Variants in CDH18 observed in about 807,000 individuals in gnomAD.
CDH18 encodes the protein cadherin 18.
A neutral mutation model predicts 67.9 loss-of-function variants in CDH18; 31 were observed. The observed-to-expected ratio is 0.46, with a 90% CI of 0.34 to 0.62. The LOEUF is 0.62. Ranked by LOEUF, CDH18 falls within the 20% of genes least tolerant of loss-of-function variation. CDH18 has a pLI of 0.01. For missense variants in CDH18, 890 were observed against 975.5 expected, an observed-to-expected ratio of 0.91 and a Z score of 1.17; for synonymous variants, 362 against 347.2, an observed-to-expected ratio of 1.04 and a Z score of -0.48.
At chr5:20,213,855 T>A (rs909534260) in intron 2 of CDH18, among the ~76,000 whole-genome samples, 1 of 152,002 alleles carries the variant, frequency 6.6e-6, no homozygotes, top group Admixed American at 6.6e-5. Context: ...TGATCTTTTA[T>A]ACGATTCTTA....
intron 5 of CDH18, among the ~76,000 whole-genome samples, chr5:19,714,292 C>A (rs541393637): frequency 2.0e-5 from 3 of 152,202 alleles, no homozygotes; most frequent in Admixed American, 1.3e-4. Flanking sequence ...TTTTTAACTG[C>A]ATATGTTGCT....
rs1041588353 is a variant in CDH18 at position 19,603,467 on chromosome 5, C to T, written c.811+8967G>A. Among the ~76,000 whole-genome samples the T allele has an allele frequency of 2.0e-4, 31 of 151,984 alleles. 1 individual carries two copies. Among genetic ancestry groups the T allele is most frequent in the Admixed American group, 1.6e-3 (24 of 15,244 alleles). On this transcript the variant is annotated intron_variant, in intron 6 of 12. Transcript: ENST00000382275. ...TTGGTTGCACAACAATATGAATATA[C>T]GTAGTGTTATTTAAATGCACACATT... is the stretch of plus-strand genomic sequence containing the variant.
chr5:19,826,348 G>A (rs140379248), intron 3 of CDH18, among the ~76,000 whole-genome samples: 2 of 152,068 alleles, frequency 1.3e-5, no homozygotes, highest in African/African-American at 2.4e-5. Context: ...TTGCTAAGGA[G>A]GCCAACACTC....
At chr5:20,036,352 T>C (rs1481075759) in intron 2 of CDH18, among the ~76,000 whole-genome samples, 2 of 151,912 alleles carry the variant, frequency 1.3e-5, no homozygotes, top group African/African-American at 4.8e-5. Flanking sequence ...GGTAAATTGC[T>C]TAGCATGTCA....
intron 2 of CDH18, among the ~76,000 whole-genome samples, chr5:19,966,291 G>T (rs1244711018): frequency 6.6e-6 from 1 of 152,078 alleles, no homozygotes; most frequent in African/African-American, 2.4e-5. Flanking sequence ...TAATGCTCTT[G>T]CTCAGAGAGA....
chr5:19,600,518 AT>A (rs1382357610), intron 6 of CDH18, among the ~76,000 whole-genome samples: 1 of 149,548 alleles, frequency 6.7e-6, no homozygotes, highest in African/African-American at 2.5e-5. Flanking sequence ...AAATTAAATT[AT>A]TTTTTCATAC....
chr5:19,596,958 G>A (rs1187415529), intron 6 of CDH18, among the ~76,000 whole-genome samples: 2 of 152,180 alleles, frequency 1.3e-5, no homozygotes, highest in Non-Finnish European at 2.9e-5. Flanking sequence ...ATGTCCTTGA[G>A]TAATCATTTC....
At chr5:19,623,629 G>T (rs905256994) in intron 5 of CDH18, among the ~76,000 whole-genome samples, 4 of 151,862 alleles carry the variant, frequency 2.6e-5, no homozygotes, top group African/African-American at 9.7e-5. Flanking sequence ...GAGTTCAAAA[G>T]ATGAGATGCT....
chr5:20,321,699 T>A (rs1203306349), intron 1 of CDH18, among the ~76,000 whole-genome samples: 2 of 152,144 alleles, frequency 1.3e-5, no homozygotes, highest in Non-Finnish European at 1.5e-5. Flanking sequence ...TTTTTAACAT[T>A]TCCTTTCCCA....
At chr5:19,787,419 T>C (rs967060879) in intron 3 of CDH18, among the ~76,000 whole-genome samples, 2 of 151,370 alleles carry the variant, frequency 1.3e-5, no homozygotes, top group African/African-American at 4.9e-5. Flanking sequence ...ACCATTGCAA[T>C]CCAGCCTGGG....
At chr5:19,942,105 T>G (rs1794884674) in intron 2 of CDH18, among the ~76,000 whole-genome samples, 1 of 152,072 alleles carries the variant, frequency 6.6e-6, no homozygotes, top group African/African-American at 2.4e-5. Flanking sequence ...AAATAATGGT[T>G]CAGGGTCAAG....
chr5:19,837,669 C>T lies in CDH18; in HGVS notation c.228+1090G>A, dbSNP rs1406383776. The stretch of plus-strand genomic sequence containing the variant: ...CCTTGTATAGAAAATGCAGCTGTAA[C>T]CCAGTCCCTGTTGGACAAGGGGTGG... On this transcript the variant is annotated intron_variant, in intron 3 of 12. Coordinates refer to ENST00000382275, the MANE Select transcript of CDH18 (RefSeq NM_004934.5). 2.0e-5 allele frequency among the ~76,000 whole-genome samples: 3 copies of T among 152,054 alleles called. No homozygotes were observed. The East Asian group carries it at 5.8e-4, about 29-fold the overall frequency.
intron 5 of CDH18, among the ~76,000 whole-genome samples, chr5:19,705,004 C>A (rs1266897157): frequency 6.6e-6 from 1 of 152,184 alleles, no homozygotes; most frequent in Non-Finnish European, 1.5e-5. Flanking sequence ...TTTACAATTC[C>A]TGCAGTAAAC....
chr5:19,861,490 G>C (rs1044183691), intron 2 of CDH18, among the ~76,000 whole-genome samples: 3 of 152,160 alleles, frequency 2.0e-5, no homozygotes, highest in Non-Finnish European at 4.4e-5. Flanking sequence ...GTGTGGGATG[G>C]ATCTGAAGCA....
At position 19,826,781 on chromosome 5, in the gene CDH18, A is replaced by G. The variant is rs1229907080; in HGVS notation, c.228+11978T>C. On this transcript the variant is annotated intron_variant, in intron 3 of 12. Coordinates refer to ENST00000382275, the MANE Select transcript of CDH18 (RefSeq NM_004934.5). ...CCATTACCAGCCAGAACAAAAACAC[A>G]CTAAGTGCATAGATCATTGACACTA... is the stretch of plus-strand genomic sequence containing the variant. Among the ~76,000 whole-genome samples the G allele has an allele frequency of 2.0e-5, 3 of 152,168 alleles. No individual in the cohort carries two copies. The East Asian group carries it at 5.8e-4, about 29-fold the overall frequency.
intron 9 of CDH18, among the ~76,000 whole-genome samples, chr5:19,530,892 C>CA (rs1748497938): frequency 7.9e-6 from 1 of 125,874 alleles, no homozygotes; most frequent in African/African-American, 3.2e-5. Flanking sequence ...CGCAATATAC[C>CA]CTTGCGCTTC....
chr5:19,936,515 T>C (rs1285630126), intron 2 of CDH18, among the ~76,000 whole-genome samples: 1 of 151,166 alleles, frequency 6.6e-6, no homozygotes, highest in African/African-American at 2.4e-5. Context: ...TAATGTGCTG[T>C]ATACTTTCAC....
chr5:19,597,848 T>C (rs887029546), intron 6 of CDH18, among the ~76,000 whole-genome samples: 1 of 152,186 alleles, frequency 6.6e-6, no homozygotes, highest in Non-Finnish European at 1.5e-5. Context: ...CATATTCAAA[T>C]AGTATGGTTA....
intron 4 of CDH18, among the ~76,000 whole-genome samples, chr5:19,741,330 TCACACACACACACACA>T (rs60803879): frequency 6.9e-6 from 1 of 145,724 alleles, no homozygotes; most frequent in South Asian, 2.2e-4. Flanking sequence ...TATACATGTC[TCACACACACACACACA>T]CACACACACA....
Sources: gnomAD v4.1 joint callset for allele counts (sites outside exome capture counted in the v4.1 genomes callset) on GRCh38, gnomAD v4.1.1 for gene constraint, MANE v1.5 for transcripts, NCBI Gene and HGNC (gene_info 2026-07-23, HGNC 2026-07-21) for gene names.